The following SERPINE2 variants were observed in gnomAD, a reference collection of about 807,000 sequenced individuals.
SERPINE2 encodes the protein glia-derived nexin.
Under a neutral mutation model 36.3 loss-of-function variants are expected in SERPINE2, and 14 were observed. The ratio of observed to expected loss-of-function variants is 0.39; its 90% CI spans 0.25 to 0.60. The LOEUF (loss-of-function observed/expected upper bound fraction) is 0.60. SERPINE2 is among the 20% of genes least tolerant of loss of function. SERPINE2 has a pLI of 0.57. For synonymous variants in SERPINE2, 192 were observed against 191.8 expected (o/e 1.00, Z -0.01); for missense variants, 418 against 499.6 (o/e 0.84, Z 1.56).
chr2:223,999,382 G>A (rs1443781012), intron 2 of SERPINE2, among the ~76,000 whole-genome samples: 1 of 152,102 alleles, frequency 6.6e-6, no homozygotes, highest in Non-Finnish European at 1.5e-5. Flanking sequence ...TCTTCAAAAT[G>A]GCACTGTCCT....
At chr2:224,003,947 G>T (rs1691291398) in intron 1 of SERPINE2, among the ~76,000 whole-genome samples, 1 of 152,128 alleles carries the variant, frequency 6.6e-6, no homozygotes, top group Non-Finnish European at 1.5e-5. Context: ...GGGAAAGCAT[G>T]GGCACAACCA....
chr2:224,031,521 C>T, intron 1 of SERPINE2: 2 of 985,662 alleles, frequency 2.0e-6, no homozygotes, highest in Non-Finnish European at 2.4e-6. Context: ...AACCTCCCTC[C>T]TCCGCCCACA....
chr2:223,993,774 C>T (rs1690772057), intron 3 of SERPINE2, among the ~76,000 whole-genome samples: 1 of 152,100 alleles, frequency 6.6e-6, no homozygotes, highest in Non-Finnish European at 1.5e-5. Flanking sequence ...CCACAGCGTG[C>T]TGCTAAGACA....
intron 1 of SERPINE2, among the ~76,000 whole-genome samples, chr2:224,031,923 C>G (rs1476512340): frequency 4.6e-5 from 7 of 152,080 alleles, no homozygotes; most frequent in Non-Finnish European, 2.9e-5. Flanking sequence ...GAGAAGAAAG[C>G]CTCCAAGTCC....
intron 1 of SERPINE2, among the ~76,000 whole-genome samples, chr2:224,021,323 C>T (rs148585450): frequency 8.5e-5 from 13 of 152,258 alleles, no homozygotes; most frequent in African/African-American, 2.2e-4. Context: ...CCATTTCAAA[C>T]GGAGCTTGAG....
rs561017193 is a variant in SERPINE2 at position 223,984,073 on chromosome 2, A to G, written c.884+679T>C. On this transcript the variant is annotated intron_variant, in intron 5 of 8. Coordinates refer to ENST00000409304, the MANE Select transcript of SERPINE2 (RefSeq NM_001136528.2). ...TCAAAAGCTATTAGAACTCTCCACT[A>G]CCACCAAGACCTGGGTTGTTAAAAG... Among the ~76,000 whole-genome samples the G allele has an allele frequency of 8.1e-4, 124 of 152,156 alleles. 1 individual carries two copies. Among genetic ancestry groups the G allele is most frequent in the African/African-American group, 8.9e-4 (37 of 41,520 alleles).
intron 6 of SERPINE2, chr2:223,982,158 T>C (rs923441250): frequency 6.6e-6 from 1 of 152,282 alleles, no homozygotes; most frequent in African/African-American, 2.4e-5. Flanking sequence ...AATGAAATAA[T>C]ATCTTTTGCA....
At chr2:224,031,982 G>A (rs536118100) in intron 1 of SERPINE2, among the ~76,000 whole-genome samples, 2 of 152,292 alleles carry the variant, frequency 1.3e-5, no homozygotes, top group African/African-American at 4.8e-5. Context: ...CCTCTCCCAT[G>A]CTTGAGTGGG....
chr2:224,002,042 T>C, intron 1 of SERPINE2, 120 bp from the exon 2 acceptor site: 5 of 930,918 alleles, frequency 5.4e-6, no homozygotes, highest in Non-Finnish European at 7.8e-6. Context: ...AGTGGTGCCA[T>C]CTCAGCTCAC....
At chr2:224,031,531 A>G (rs1299771504) in intron 1 of SERPINE2, 2 of 984,962 alleles carry the variant, frequency 2.0e-6, no homozygotes, top group Non-Finnish European at 2.4e-6. Context: ...CTCCGCCCAC[A>G]GCCATTGGTA....
At chr2:224,001,285 A>G (rs1691113219) in intron 2 of SERPINE2, among the ~76,000 whole-genome samples, 1 of 152,184 alleles carries the variant, frequency 6.6e-6, no homozygotes, top group Non-Finnish European at 1.5e-5. Context: ...CTCCTCTCAC[A>G]GGCTTCACAA....
intron 1 of SERPINE2, among the ~76,000 whole-genome samples, chr2:224,007,633 C>G (rs988078533): frequency 6.6e-6 from 1 of 152,178 alleles, no homozygotes; most frequent in Admixed American, 6.5e-5. Context: ...ATATCTAGTC[C>G]ATGTTCGCAT....
At chr2:224,003,037 G>A (rs761935021) in intron 1 of SERPINE2, among the ~76,000 whole-genome samples, 1 of 152,168 alleles carries the variant, frequency 6.6e-6, no homozygotes, top group African/African-American at 2.4e-5. Flanking sequence ...CAGATGAGGG[G>A]CCGGCAGGGT....
At chr2:224,012,381 A>C (rs1216997954) in intron 1 of SERPINE2, among the ~76,000 whole-genome samples, 1 of 152,180 alleles carries the variant, frequency 6.6e-6, no homozygotes, top group East Asian at 1.9e-4. Context: ...ACATGGTAAT[A>C]CATTCTGGAT....
At chr2:223,989,322 C>G (rs1690558656) in intron 4 of SERPINE2, among the ~76,000 whole-genome samples, 2 of 152,206 alleles carry the variant, frequency 1.3e-5, no homozygotes, top group African/African-American at 4.8e-5. Context: ...GGCAGATAAA[C>G]TGAATGACAA....
At chr2:223,982,835 T>C (rs970410398) in intron 5 of SERPINE2, 54 bp from the exon 6 acceptor site, 1 of 1,275,108 alleles carries the variant, frequency 7.8e-7, no homozygotes, top group South Asian at 1.2e-5. Flanking sequence ...AAATGCTACA[T>C]GATAGAGTCG....
chr2:223,975,793 T>A lies in SERPINE2; in HGVS notation c.*74A>T, dbSNP rs2106125818. 1 of 1,234,194 alleles carries A rather than the reference T, an allele frequency of 8.1e-7. No individual in the cohort carries two copies. Among genetic ancestry groups the A allele is most frequent in the East Asian group, 2.4e-5 (1 of 42,290 alleles). 76.5% of individuals were successfully genotyped at this position (1,234,194 alleles called of 1,614,324 possible). A position where few individuals can be genotyped will look rare whatever the true frequency, so the allele number is the denominator to read the frequency against. On this transcript the variant is annotated 3_prime_UTR_variant, in exon 9 of 9. Coordinates refer to ENST00000409304, the MANE Select transcript of SERPINE2 (RefSeq NM_001136528.2). ...TGTACAAAAATATTTAACAGAACTA[T>A]GAAAGATGCAGGAAAGGAGTCTTTC...
At chr2:224,011,213 A>G (rs1262247046) in intron 1 of SERPINE2, among the ~76,000 whole-genome samples, 3 of 152,252 alleles carry the variant, frequency 2.0e-5, no homozygotes, top group African/African-American at 7.2e-5. Flanking sequence ...TTCCTAATCC[A>G]GCAACCAAGA....
At chr2:224,004,989 C>T (rs1212797909) in intron 1 of SERPINE2, among the ~76,000 whole-genome samples, 2 of 131,094 alleles carry the variant, frequency 1.5e-5, no homozygotes, top group African/African-American at 5.8e-5. Flanking sequence ...TCAAATACTA[C>T]ATATATATTA....
Sources: gnomAD v4.1 joint callset for allele counts (sites outside exome capture counted in the v4.1 genomes callset) on GRCh38, gnomAD v4.1.1 for gene constraint, MANE v1.5 for transcripts, NCBI Gene and HGNC (gene_info 2026-07-23, HGNC 2026-07-21) for gene names.